The following RANBP2 variants were observed in gnomAD, a reference collection of about 807,000 sequenced individuals.
RANBP2 encodes the protein RAN binding protein 2, also known as E3 SUMO-protein ligase RanBP2.
A neutral mutation model predicts 303.6 loss-of-function variants in RANBP2; 57 were observed. The observed-to-expected ratio is 0.19, with a 90% CI of 0.15 to 0.23. The LOEUF (loss-of-function observed/expected upper bound fraction) is 0.23. Ranked by LOEUF, RANBP2 falls within the 10% of genes least tolerant of loss-of-function variation. RANBP2 has a pLI of 1.00. For synonymous variants in RANBP2, 1,167 were observed against 1,301.5 expected (o/e 0.90, Z 2.23); for missense variants, 3,138 against 3,780.8 (o/e 0.83, Z 4.46).
chr2:108,760,800 AT>A (rs1203313887), intron 18 of RANBP2, among the ~76,000 whole-genome samples: 1 of 152,076 alleles, frequency 6.6e-6, no homozygotes, highest in Non-Finnish European at 1.5e-5. Context: ...TGTTAATGTG[AT>A]TTTTTTAAAG....
the RANBP2 span, among the ~76,000 whole-genome samples, chr2:109,696,751 T>C: frequency 5.3e-5 from 8 of 152,194 alleles, no homozygotes; most frequent in African/African-American, 1.9e-4. Context: ...GTATTGTAAT[T>C]CATGAACATG....
At chr2:109,613,337 ACCAT>A in the RANBP2 span, 19 of 372,696 alleles carry the variant, frequency 5.1e-5, no homozygotes, top group Non-Finnish European at 7.4e-5. Flanking sequence ...GGACGACCAC[ACCAT>A]CGGATAAAAC....
the RANBP2 span, among the ~76,000 whole-genome samples, chr2:108,969,405 C>T: frequency 6.6e-6 from 1 of 152,070 alleles, no homozygotes; most frequent in East Asian, 1.9e-4. Flanking sequence ...GAGAGGAGAA[C>T]GATTAATGAA....
At chr2:109,614,361 C>T in the RANBP2 span, 1 of 795,640 alleles carries the variant, frequency 1.3e-6, no homozygotes, top group Non-Finnish European at 1.7e-6. Flanking sequence ...GTCCTCTGGC[C>T]TCAGACGCGT....
chr2:109,047,814 C>CA, the RANBP2 span, among the ~76,000 whole-genome samples: 783 of 152,138 alleles, frequency 5.1e-3, 7 homozygotes, highest in African/African-American at 0.018. Flanking sequence ...ATCTCAAAAA[C>CA]AAAAAAACAA....
chr2:109,241,252 G>C, the RANBP2 span, among the ~76,000 whole-genome samples: 1 of 75,738 alleles, frequency 1.3e-5, no homozygotes, highest in Non-Finnish European at 2.3e-5. Flanking sequence ...TCCAGCCTAA[G>C]AATATAACAA....
the RANBP2 span, among the ~76,000 whole-genome samples, chr2:109,453,727 G>A: frequency 6.6e-6 from 1 of 152,240 alleles, no homozygotes; most frequent in East Asian, 1.9e-4. Flanking sequence ...GTATAGTACA[G>A]GTCACTGTAC....
At chr2:109,383,225 G>A in the RANBP2 span, among the ~76,000 whole-genome samples, 1 of 152,210 alleles carries the variant, frequency 6.6e-6, no homozygotes, top group South Asian at 2.1e-4. Context: ...GCACTTCTTG[G>A]CTGAGGTCCA....
At chr2:109,502,578 A>G in the RANBP2 span, 1 of 152,056 alleles carries the variant, frequency 6.6e-6, no homozygotes, top group Admixed American at 6.5e-5. Flanking sequence ...GGCGGGGTGG[A>G]TCCATTGAGG....
chr2:109,412,266 C>T, the RANBP2 span, among the ~76,000 whole-genome samples: 7 of 152,340 alleles, frequency 4.6e-5, no homozygotes, highest in Non-Finnish European at 8.8e-5. Flanking sequence ...AAACACATTG[C>T]CCCCCTTTCA....
At chr2:108,870,959 A>C in the RANBP2 span, among the ~76,000 whole-genome samples, 1 of 151,820 alleles carries the variant, frequency 6.6e-6, no homozygotes, top group Non-Finnish European at 1.5e-5. Context: ...TAAAATGATA[A>C]GTGTTATGCA....
the RANBP2 span, among the ~76,000 whole-genome samples, chr2:109,246,643 G>T: frequency 9.2e-5 from 14 of 152,282 alleles, no homozygotes; most frequent in Admixed American, 7.2e-4. Context: ...CTCCCTGCAC[G>T]TGTCTTATTT....
At chr2:109,299,355 G>A in the RANBP2 span, among the ~76,000 whole-genome samples, 4 of 151,760 alleles carry the variant, frequency 2.6e-5, no homozygotes, top group African/African-American at 9.7e-5. Context: ...TTGGGTTACT[G>A]CTGTGACCAC....
the RANBP2 span, among the ~76,000 whole-genome samples, chr2:109,611,269 G>T: frequency 6.6e-6 from 1 of 152,154 alleles, no homozygotes; most frequent in African/African-American, 2.4e-5. Flanking sequence ...GGGATCTAAG[G>T]TTAGGCAAAG....
At chr2:109,001,976 C>T in the RANBP2 span, among the ~76,000 whole-genome samples, 29,929 of 152,042 alleles carry the variant, frequency 0.2, 3,073 homozygotes, top group Middle Eastern at 0.32. Flanking sequence ...ATGATCCGCC[C>T]GCCTCGGCCT....
the RANBP2 span, among the ~76,000 whole-genome samples, chr2:109,678,460 G>A: frequency 5.5e-3 from 831 of 152,294 alleles, 4 homozygotes; most frequent in Admixed American, 8.6e-3. Flanking sequence ...CCCTACCAGG[G>A]ATCGCAAAGC....
chr2:109,095,677 G>A, the RANBP2 span, among the ~76,000 whole-genome samples: 1 of 152,010 alleles, frequency 6.6e-6, no homozygotes, highest in African/African-American at 2.4e-5. Context: ...AAACAACAGG[G>A]GTTTCTTAGA....
chr2:109,063,610 C>G, the RANBP2 span, among the ~76,000 whole-genome samples: 1 of 152,126 alleles, frequency 6.6e-6, no homozygotes, highest in Non-Finnish European at 1.5e-5. Flanking sequence ...ACAAACAGCT[C>G]GAACTTCCCT....
At chr2:109,656,476 C>A in the RANBP2 span, among the ~76,000 whole-genome samples, 1 of 152,090 alleles carries the variant, frequency 6.6e-6, no homozygotes, top group African/African-American at 2.4e-5. Context: ...TAGCTGGGAT[C>A]ACAGGTATGT....
Sources: gnomAD v4.1 joint callset for allele counts (sites outside exome capture counted in the v4.1 genomes callset) on GRCh38, gnomAD v4.1.1 for gene constraint, MANE v1.5 for transcripts, NCBI Gene and HGNC (gene_info 2026-07-23, HGNC 2026-07-21) for gene names.